Variants in ZP2 observed in about 807,000 individuals in gnomAD.
The protein encoded by ZP2 is zona pellucida sperm-binding protein 2.
A neutral mutation model predicts 84.0 loss-of-function variants in ZP2; 51 were observed. The ratio of observed to expected loss-of-function variants is 0.61; its 90% CI spans 0.49 to 0.77. The LOEUF (loss-of-function observed/expected upper bound fraction) is 0.77, where lower values mean the gene tolerates loss of function less well. ZP2 is among the 30% of genes least tolerant of loss of function. ZP2 has a pLI of 0.00. For missense variants in ZP2, 909 were observed against 911.9 expected, an observed-to-expected ratio of 1.00 and a Z score of 0.04; for synonymous variants, 375 against 330.9, an observed-to-expected ratio of 1.13 and a Z score of -1.45.
Position 21,203,211 on chromosome 16 carries a change from G to A in ZP2, c.1013C>T (p.Ser338Leu). Residue 338 changes from serine (S) to leucine (L), a missense_variant, in exon 10 of 19, where the codon TCA becomes TTA. Coordinates refer to ENST00000574091, the MANE Select transcript of ZP2 (RefSeq NM_001376232.1). Reference protein sequence around the residue: ...KCLLHQFYLASLKLTFLLRPE... With the variant: ...KCLLHQFYLALLKLTFLLRPE... ...CCGAAGGAGAAAGGTCAGCTTGAGT[G>A]AAGCTAAGTAGAACTGATGGAGTAG... 1 of 1,613,912 alleles carries A rather than the reference G, an allele frequency of 6.2e-7. No individual in the cohort carries two copies. Among genetic ancestry groups the A allele is most frequent in the South Asian group, 1.1e-5 (1 of 91,048 alleles).
chr16:21,198,683 C>G, intron 17 of ZP2, 96 bp downstream of exon 17: 1 of 994,320 alleles, frequency 1.0e-6, no homozygotes, highest in East Asian at 2.6e-5. Context: ...ATTGTTTAGA[C>G]TCACCACGGG....
At chr16:21,204,276 C>T (rs1410828386) in intron 8 of ZP2, 32 bp downstream of exon 8, 1 of 1,613,838 alleles carries the variant, frequency 6.2e-7, no homozygotes, top group South Asian at 1.1e-5. Context: ...CAATGTCTCC[C>T]ACACTGAGGT....
chr16:21,201,362 T>G lies in ZP2; in HGVS notation c.1694+7A>C. The stretch of plus-strand genomic sequence containing the variant: ...CTGGGTAACCTGATAGTACAGGGAG[T>G]ACCTACCCATCCACGACAACGTTCC... On this transcript the variant is annotated splice_region_variant and intron_variant, in intron 14 of 18. Coordinates refer to ENST00000574091, the MANE Select transcript of ZP2 (RefSeq NM_001376232.1). 6.4e-7 allele frequency: 1 copy of G among 1,558,582 alleles called. No homozygotes were observed. The highest frequency in any genetic ancestry group is 1.4e-5 in the African/African-American group (1 of 73,714).
intron 9 of ZP2, among the ~76,000 whole-genome samples, chr16:21,203,626 C>T (rs2093236263): frequency 6.6e-6 from 1 of 152,196 alleles, no homozygotes; most frequent in Non-Finnish European, 1.5e-5. Flanking sequence ...AGATTATTCT[C>T]TGGTATCCCT....
Position 21,197,468 on chromosome 16 carries a change from T to G in ZP2, c.*12A>C. On this transcript the variant is annotated 3_prime_UTR_variant, in exon 19 of 19. Coordinates refer to ENST00000574091, the MANE Select transcript of ZP2 (RefSeq NM_001376232.1). ...AAGAGGCTTATTTTGACTGCTTTATTTAGAAGCCCATTTAGTGATTTGACA... is the reference window on the plus strand; with the variant it reads ...AAGAGGCTTATTTTGACTGCTTTATGTAGAAGCCCATTTAGTGATTTGACA... 1 of 1,614,000 alleles carries G rather than the reference T, an allele frequency of 6.2e-7. No homozygotes were observed. Among genetic ancestry groups the G allele is most frequent in the South Asian group, 1.1e-5 (1 of 91,074 alleles).
chr16:21,209,591 C>T lies in ZP2; in HGVS notation c.330+40G>A, dbSNP rs550305433. On this transcript the variant is annotated intron_variant, in intron 4 of 18. Coordinates refer to ENST00000574091, the MANE Select transcript of ZP2 (RefSeq NM_001376232.1). ...TTTACTGCCAGTAACTCTTAGGTTA[C>T]TACGTACTTCCCCAAGAACTGCTCA... 3.0e-5 allele frequency: 48 copies of T among 1,589,758 alleles called. No individual in the cohort carries two copies. In the South Asian group the frequency reaches 5.0e-4, roughly 16 times the overall value.
rs1164759548 is a variant in ZP2 at position 21,202,165 on chromosome 16, G to T, written c.1226C>A (p.Ala409Asp). The T allele has an allele frequency of 6.2e-7, 1 of 1,605,432 alleles. No homozygotes were observed. Among genetic ancestry groups the T allele is most frequent in the Admixed American group, 1.8e-5 (1 of 56,718 alleles). The change falls in exon 11 of 19, where the codon GCT becomes GAT. Residue 409 changes from alanine (A) to aspartate (D), a missense_variant. Coordinates refer to ENST00000574091, the MANE Select transcript of ZP2 (RefSeq NM_001376232.1). ...GNSSCQPVFEAQSQGLVRFHI... is the reference protein window; with the variant it reads ...GNSSCQPVFEDQSQGLVRFHI... ...GAACCGTACCAGCCCCTGAGACTGA[G>T]CCTCAAAGACAGGCTGGCAGGATGA...
At chr16:21,206,403 G>A (rs965394837) in intron 5 of ZP2, among the ~76,000 whole-genome samples, 4 of 152,204 alleles carry the variant, frequency 2.6e-5, no homozygotes, top group Non-Finnish European at 5.9e-5. Context: ...TTTTATGTCA[G>A]TGTTATTTTT....
In ZP2 at chr16:21,201,748, C is replaced by T. The variant is rs141639876; in HGVS notation, c.1462G>A (p.Val488Met). The T allele has an allele frequency of 6.2e-7, 1 of 1,613,984 alleles. No individual in the cohort carries two copies. Among genetic ancestry groups the T allele is most frequent in the African/African-American group, 1.3e-5 (1 of 74,908 alleles). ...ATCAAGGTAAATGGACCCAACTTCACTGAGGCCACTGGAGGAGTAAGGCTT... is the reference window on the plus strand; with the variant it reads ...ATCAAGGTAAATGGACCCAACTTCATTGAGGCCACTGGAGGAGTAAGGCTT... ...VESLTPPVAS[V>M]KLGPFTLILQ... The change falls in exon 13 of 19, where the codon GTG becomes ATG. Residue 488 changes from valine (V) to methionine (M), a missense_variant. Physicochemically the swap from Val to Met is conservative, Grantham distance 21 (BLOSUM62 1). Transcript: ENST00000574091.
chr16:21,197,612 G>C lies in ZP2; in HGVS notation c.2106C>G (p.Asp702Glu), dbSNP rs920307562. The stretch of plus-strand genomic sequence containing the variant: ...CTCCAGCAGTCTTGTGCCCTTTGGT[G>C]TCCATAGCACCTACAAAGGAAGCAG... ...GEEVGSRGAM[D>E]TKGHKTAGDV... is the part of the protein sequence containing the mutation. The change falls in exon 19 of 19, where the codon GAC (aspartate) becomes GAG (glutamate). Residue 702 changes from aspartate to glutamate, a missense_variant. By Grantham distance (45) the Asp-to-Glu change is conservative. Transcript: ENST00000574091. 6.2e-7 allele frequency: 1 copy of C among 1,614,052 alleles called. No homozygotes were observed. The highest frequency in any genetic ancestry group is 1.3e-5 in the African/African-American group (1 of 74,914).
At chr16:21,205,691 A>G in intron 6 of ZP2, 40 bp downstream of exon 6, 1 of 1,613,730 alleles carries the variant, frequency 6.2e-7, no homozygotes, top group Non-Finnish European at 8.5e-7. Flanking sequence ...ACATAGAATT[A>G]AAGGTTATTA....
rs775312978 is a variant in ZP2, at chr16:21,209,771, A to G, written c.236-46T>C. 4.5e-6 allele frequency: 7 copies of G among 1,553,430 alleles called. No homozygotes were observed. The African/African-American group carries it at 8.1e-5, about 18-fold the overall frequency. Reference sequence around the variant, plus strand: ...TAGACAGGATGGCTGAGTACATTTCAGTGACAGTCCAAAGCTATAGAGTCA... The same window carrying G: ...TAGACAGGATGGCTGAGTACATTTCGGTGACAGTCCAAAGCTATAGAGTCA... On this transcript the variant is annotated intron_variant, in intron 3 of 18. Coordinates refer to ENST00000574091, the MANE Select transcript of ZP2 (RefSeq NM_001376232.1).
At chr16:21,211,091 T>C (rs1398028725) in intron 2 of ZP2, among the ~76,000 whole-genome samples, 2 of 151,998 alleles carry the variant, frequency 1.3e-5, no homozygotes, top group Non-Finnish European at 2.9e-5. Context: ...CTTGAGGCAG[T>C]GAGGGATTGG....
At position 21,203,210 on chromosome 16, in the gene ZP2, T is replaced by C; in HGVS notation, c.1014A>G (p.Ser338=). 6.2e-7 allele frequency: 1 copy of C among 1,613,678 alleles called. No individual in the cohort carries two copies. Among genetic ancestry groups the C allele is most frequent in the Non-Finnish European group, 8.5e-7 (1 of 1,179,824 alleles). ...GCCGAAGGAGAAAGGTCAGCTTGAG[T>C]GAAGCTAAGTAGAACTGATGGAGTA... ...KCLLHQFYLA[S]LKLTFLLRPE... The change falls in exon 10 of 19, where the codon TCA becomes TCG. Residue 338 remains serine, a synonymous_variant. Transcript: ENST00000574091.
chr16:21,213,030 T>C (rs2093280555), upstream of ZP2, among the ~76,000 whole-genome samples: 1 of 152,214 alleles, frequency 6.6e-6, no homozygotes, highest in Non-Finnish European at 1.5e-5. Flanking sequence ...TTGCAGTTTT[T>C]GCCGCTACTT....
Position 21,202,264 on chromosome 16 carries a change from C to A in ZP2, c.1127G>T (p.Gly376Val). Residue 376 changes from glycine to valine, a missense_variant, in exon 11 of 19, where the codon GGG becomes GTG. By Grantham distance (109) the Gly-to-Val change is moderately radical (BLOSUM62 -3). Transcript: ENST00000574091. ...IVTGELCTQD[G>V]FMDVEVYSYQ... is the part of the protein sequence containing the mutation. Reference sequence around the variant, plus strand: ...GCTGTAGACCTCGACGTCCATAAACCCATCCTGGGTGCACAGCTCCCCTGT... The same window carrying A: ...GCTGTAGACCTCGACGTCCATAAACACATCCTGGGTGCACAGCTCCCCTGT... 6.5e-7 allele frequency: 1 copy of A among 1,539,060 alleles called. No individual in the cohort carries two copies. Among genetic ancestry groups the A allele is most frequent in the Non-Finnish European group, 8.7e-7 (1 of 1,147,566 alleles).
intron 14 of ZP2, 31 bp from the exon 15 acceptor site, chr16:21,199,909 G>A: frequency 6.2e-7 from 1 of 1,610,416 alleles, no homozygotes; most frequent in Non-Finnish European, 8.5e-7. Flanking sequence ...AGGGATGTCA[G>A]TCATATGCAT....
chr16:21,198,952 G>T, intron 16 of ZP2, 90 bp from the exon 17 acceptor site: 2 of 1,163,136 alleles, frequency 1.7e-6, no homozygotes, highest in Non-Finnish European at 2.5e-6. Context: ...GAAGCTCTCT[G>T]GAGTATTTTG....
chr16:21,205,985 C>T (rs2093247861), intron 5 of ZP2: 12 of 586,672 alleles, frequency 2.0e-5, no homozygotes, highest in Non-Finnish European at 3.4e-5. Flanking sequence ...AAGCTCCTTT[C>T]CAGTTGTAAG....
Sources: gnomAD v4.1 joint callset for allele counts (sites outside exome capture counted in the v4.1 genomes callset) on GRCh38, gnomAD v4.1.1 for gene constraint, MANE v1.5 for transcripts, NCBI Gene and HGNC (gene_info 2026-07-23, HGNC 2026-07-21) for gene names.